Variants in MDM1 observed in about 807,000 individuals in gnomAD.
MDM1 encodes the protein stabilizer of axonemal microtubules 6, also known as Mdm1 nuclear protein.
Under a neutral mutation model 89.1 loss-of-function variants are expected in MDM1, and 61 were observed. That is an observed-to-expected ratio of 0.68 (90% CI 0.56 to 0.85). The LOEUF (loss-of-function observed/expected upper bound fraction) is 0.85. Among genes scored for constraint, MDM1 ranks in the 40% least tolerant of loss-of-function variants. The pLI is 0.00. For synonymous variants in MDM1, 290 were observed against 294.1 expected, an observed-to-expected ratio of 0.99 and a Z score of 0.14; for missense variants, 820 against 846.5, an observed-to-expected ratio of 0.97 and a Z score of 0.39.
chr12:68,325,440 C>A lies in MDM1; in HGVS notation c.633+1G>T, dbSNP rs1295710988. 1 of 1,566,694 alleles carries A rather than the reference C, an allele frequency of 6.4e-7. No homozygotes were observed. The highest frequency in any genetic ancestry group is 1.4e-5 in the African/African-American group (1 of 72,922). On this transcript the variant is annotated splice_donor_variant, in intron 4 of 14. Transcript: ENST00000682720. LOFTEE classifies it high-confidence loss of function. ...GAAATGTATTACATCCATTAAGCTA[C>A]CTGATTGGCTGCAAAAGCTGGAGCA...
At chr12:68,329,874 G>C (rs1876538528) in intron 2 of MDM1, among the ~76,000 whole-genome samples, 1 of 152,184 alleles carries the variant, frequency 6.6e-6, no homozygotes, top group East Asian at 1.9e-4. Context: ...GTGATAACAA[G>C]AACATGACCT....
At chr12:68,295,483 G>A (rs1871254087) in intron 14 of MDM1, 117 bp from the exon 15 acceptor site, 2 of 637,168 alleles carry the variant, frequency 3.1e-6, no homozygotes, top group East Asian at 6.4e-5. Flanking sequence ...TGTCAAGTTA[G>A]TCAGGAAAAA....
chr12:68,318,843 G>C (rs1874840299), intron 7 of MDM1, among the ~76,000 whole-genome samples: 1 of 152,030 alleles, frequency 6.6e-6, no homozygotes, highest in Non-Finnish European at 1.5e-5. Flanking sequence ...TCCAAATTAA[G>C]AGTTCAACTA....
At chr12:68,298,785 C>G (rs1871756463) in intron 13 of MDM1, among the ~76,000 whole-genome samples, 1 of 152,168 alleles carries the variant, frequency 6.6e-6, no homozygotes, top group Non-Finnish European at 1.5e-5. Context: ...CAGTAAGTTC[C>G]TACCCAGGGA....
intron 9 of MDM1, 60 bp from the exon 10 acceptor site, chr12:68,315,325 C>G (rs1372759869): frequency 4.7e-6 from 7 of 1,487,742 alleles, no homozygotes; most frequent in African/African-American, 1.4e-5. Flanking sequence ...CTAATCAACA[C>G]CAATTTTAGT....
chr12:68,298,745 G>A (rs1871749615), intron 13 of MDM1, among the ~76,000 whole-genome samples: 1 of 152,104 alleles, frequency 6.6e-6, no homozygotes, highest in African/African-American at 2.4e-5. Flanking sequence ...CCCACCAGTG[G>A]GTATTGCATT....
intron 14 of MDM1, among the ~76,000 whole-genome samples, chr12:68,295,682 C>T (rs1045137873): frequency 2.0e-5 from 3 of 152,172 alleles, no homozygotes; most frequent in Admixed American, 6.5e-5. Context: ...AATAATTCAT[C>T]ATAATACTGT....
At chr12:68,313,374 T>C (rs1225966802) in intron 12 of MDM1, 69 bp downstream of exon 12, 2 of 1,082,210 alleles carry the variant, frequency 1.8e-6, no homozygotes, top group African/African-American at 1.6e-5. Context: ...TAACCCATCA[T>C]TCATTTATTA....
At chr12:68,325,944 C>A in intron 3 of MDM1, 1 of 995,736 alleles carries the variant, frequency 1.0e-6, no homozygotes, top group Non-Finnish European at 1.2e-6. Flanking sequence ...TCCTGCCTGC[C>A]AGACTCACAC....
At chr12:68,307,923 G>T (rs996160914) in intron 12 of MDM1, among the ~76,000 whole-genome samples, 16 of 138,254 alleles carry the variant, frequency 1.2e-4, no homozygotes, top group African/African-American at 4.1e-4. Context: ...GGGCAACAGA[G>T]CAAGACCCTG....
intron 7 of MDM1, among the ~76,000 whole-genome samples, chr12:68,317,780 G>GT (rs1425228114): frequency 6.6e-6 from 1 of 152,116 alleles, no homozygotes; most frequent in African/African-American, 2.4e-5. Context: ...TCTAACCAGG[G>GT]TATTCTGAAT....
In MDM1 at chr12:68,328,424, G is replaced by A. The variant is rs541908629; in HGVS notation, c.134-1403C>T. On this transcript the variant is annotated intron_variant, in intron 2 of 14. Coordinates refer to ENST00000682720, the MANE Select transcript of MDM1 (RefSeq NM_001354969.2). ...TAGTTTGCCAATGAATACTGACTTT[G>A]CCAATTGTATGATAAACATTTTCCA... 3.9e-5 allele frequency among the ~76,000 whole-genome samples: 6 copies of A among 152,278 alleles called. No homozygotes were observed. In the South Asian group the frequency reaches 8.3e-4, roughly 21 times the overall value.
intron 13 of MDM1, among the ~76,000 whole-genome samples, chr12:68,300,567 C>T (rs930627871): frequency 6.6e-6 from 1 of 152,142 alleles, no homozygotes; most frequent in African/African-American, 2.4e-5. Flanking sequence ...AGACAAAGGT[C>T]ATCATATAAC....
intron 14 of MDM1, among the ~76,000 whole-genome samples, chr12:68,296,475 C>T (rs1049313290): frequency 2.6e-5 from 4 of 152,046 alleles, no homozygotes; most frequent in Admixed American, 1.3e-4. Flanking sequence ...TCCAGCCTGG[C>T]GACAGAGCGA....
chr12:68,323,900 G>A (rs1340046133), intron 4 of MDM1, among the ~76,000 whole-genome samples: 1 of 152,112 alleles, frequency 6.6e-6, no homozygotes, highest in Non-Finnish European at 1.5e-5. Context: ...TTTTAGTACA[G>A]TATAACCTCA....
intron 4 of MDM1, chr12:68,325,225 T>C: frequency 1.7e-6 from 2 of 1,159,320 alleles, no homozygotes; most frequent in Non-Finnish European, 2.1e-6. Context: ...GTGCTGCATC[T>C]GGCAACAATG....
intron 4 of MDM1, among the ~76,000 whole-genome samples, chr12:68,324,217 G>T (rs1237239980): frequency 6.6e-6 from 1 of 152,038 alleles, no homozygotes; most frequent in Non-Finnish European, 1.5e-5. Flanking sequence ...CGCTTTCACT[G>T]ACATGTAAAA....
chr12:68,299,014 A>G lies in MDM1; in HGVS notation c.2003-2032T>C, dbSNP rs142833790. Among the ~76,000 whole-genome samples, 680 of 152,318 alleles carry G rather than the reference A, an allele frequency of 4.5e-3. 5 individuals carry two copies. The highest frequency in any genetic ancestry group is 0.014 in the African/African-American group (593 of 41,568). On this transcript the variant is annotated intron_variant, in intron 13 of 14. Transcript: ENST00000682720. ...GGAAGCCATCATACAAAGACTCTCT[A>G]TAACCAAAGAACTTATAAAGACTCT...
At chr12:68,302,195 C>G (rs1441550881) in intron 13 of MDM1, among the ~76,000 whole-genome samples, 4 of 152,202 alleles carry the variant, frequency 2.6e-5, no homozygotes, top group Non-Finnish European at 5.9e-5. Flanking sequence ...ATAAAAGGAG[C>G]ATCTGACTTC....
Sources: gnomAD v4.1 joint callset for allele counts (sites outside exome capture counted in the v4.1 genomes callset) on GRCh38, gnomAD v4.1.1 for gene constraint, MANE v1.5 for transcripts, NCBI Gene and HGNC (gene_info 2026-07-23, HGNC 2026-07-21) for gene names.